The following ZNF567 variants were observed in gnomAD, a reference collection of about 807,000 sequenced individuals.
ZNF567 encodes the protein zinc finger protein 567.
In ZNF567, 36 loss-of-function variants were observed where a neutral mutation model predicts 53.9. The ratio of observed to expected loss-of-function variants is 0.67; its 90% CI spans 0.51 to 0.88. The LOEUF is 0.88. Ranked by LOEUF, ZNF567 falls within the 40% of genes least tolerant of loss-of-function variation. ZNF567 has a pLI of 0.00. For synonymous variants in ZNF567, 224 were observed against 260.4 expected (o/e 0.86, Z 1.35); for missense variants, 619 against 764.7 (o/e 0.81, Z 2.25).
intron 4 of ZNF567, 106 bp downstream of exon 4, chr19:36,712,618 C>T (rs1479179281): frequency 1.1e-5 from 16 of 1,505,384 alleles, no homozygotes; most frequent in East Asian, 9.1e-5. Context: ...AATTCCTTTT[C>T]GTTAGCAGAA....
chr19:36,670,842 C>T, the ZNF567 span, among the ~76,000 whole-genome samples: 2 of 152,176 alleles, frequency 1.3e-5, no homozygotes, highest in African/African-American at 4.8e-5. Flanking sequence ...TGGCTCACAC[C>T]TGTAATCCCA....
intron 3 of ZNF567, among the ~76,000 whole-genome samples, chr19:36,696,048 T>G (rs2145619874): frequency 6.6e-6 from 1 of 152,364 alleles, no homozygotes; most frequent in East Asian, 1.9e-4. Context: ...TCTAAAAATC[T>G]GTGGCCTTCC....
chr19:36,674,034 T>C, the ZNF567 span, among the ~76,000 whole-genome samples: 1 of 152,240 alleles, frequency 6.6e-6, no homozygotes, highest in East Asian at 1.9e-4. Flanking sequence ...TAATTTGGAA[T>C]GAAAATCATT....
chr19:36,718,268 G>A (rs1165711650), intron 5 of ZNF567, among the ~76,000 whole-genome samples: 1 of 152,130 alleles, frequency 6.6e-6, no homozygotes, highest in Non-Finnish European at 1.5e-5. Context: ...GGGAGGCCAA[G>A]GTGGGCAGAT....
At chr19:36,668,330 T>G in the ZNF567 span, 3 of 152,378 alleles carry the variant, frequency 2.0e-5, no homozygotes, top group Non-Finnish European at 4.4e-5. Flanking sequence ...ACTCCCGCAG[T>G]GGCCCCTGTG....
At chr19:36,707,783 T>G (rs1051636828) in intron 3 of ZNF567, among the ~76,000 whole-genome samples, 1 of 152,214 alleles carries the variant, frequency 6.6e-6, no homozygotes, top group Non-Finnish European at 1.5e-5. Flanking sequence ...TTCACCATTT[T>G]GTCCAGGCTG....
intron 5 of ZNF567, among the ~76,000 whole-genome samples, chr19:36,718,013 G>A (rs373852750): frequency 7.9e-5 from 12 of 152,230 alleles, no homozygotes; most frequent in South Asian, 4.1e-4. Flanking sequence ...AGTTGCTATC[G>A]GAAGTATTTT....
At position 36,720,404 on chromosome 19, in the gene ZNF567, C is replaced by T; in HGVS notation, c.1680C>T (p.Ser560=). The T allele has an allele frequency of 6.2e-7, 1 of 1,613,936 alleles. No homozygotes were observed. Among genetic ancestry groups the T allele is most frequent in the Non-Finnish European group, 8.5e-7 (1 of 1,179,994 alleles). ...VHQKIHTGQK[S]YECPQCGKAF... is the part of the protein sequence containing the mutation. The stretch of plus-strand genomic sequence containing the variant: ...AGAAAATACATACCGGCCAGAAATC[C>T]TATGAATGTCCTCAGTGTGGGAAAG... Residue 560 remains serine (S), a synonymous_variant, in exon 6 of 6, where the codon TCC becomes TCT. Transcript: ENST00000682579.
intron 3 of ZNF567, among the ~76,000 whole-genome samples, chr19:36,706,533 A>G (rs28645577): frequency 0.046 from 7,009 of 152,114 alleles, 465 homozygotes; most frequent in African/African-American, 0.14. Context: ...GGTTCAACCA[A>G]TCTGCCTGCC....
rs563025600 is a variant in ZNF567, at chr19:36,707,121, C to G, written c.10-5265C>G. ...ATCAATATAGTTGAATTTAAATATG[C>G]CATCTTCCTATTTTTTCCAATTATG... On this transcript the variant is annotated intron_variant, in intron 3 of 5. Coordinates refer to ENST00000682579, the MANE Select transcript of ZNF567 (RefSeq NM_001322917.1). 2.6e-5 allele frequency among the ~76,000 whole-genome samples: 4 copies of G among 151,896 alleles called. No homozygotes were observed. The East Asian group carries it at 7.7e-4, about 29-fold the overall frequency.
rs759836421 is a variant in ZNF567 at position 36,720,336 on chromosome 19, T to C, written c.1612T>C (p.Cys538Arg). The C allele has an allele frequency of 6.2e-7, 1 of 1,614,192 alleles. No individual in the cohort carries two copies. Among genetic ancestry groups the C allele is most frequent in the Non-Finnish European group, 8.5e-7 (1 of 1,180,026 alleles). Residue 538 changes from cysteine to arginine, a missense_variant, in exon 6 of 6, where the codon TGT becomes CGT. By Grantham distance (180) the Cys-to-Arg change is radical. Transcript: ENST00000682579. ...TGEKPYVCNE[C>R]GKSFRQKATL... ...GGAGAAACCCTATGTTTGTAATGAA[T>C]GTGGGAAGTCCTTTCGCCAGAAAGC...
the ZNF567 span, among the ~76,000 whole-genome samples, chr19:36,681,667 C>T: frequency 1.3e-5 from 2 of 151,554 alleles, no homozygotes; most frequent in Non-Finnish European, 2.9e-5. Context: ...TGGGCTCAAG[C>T]GATTGGCCCA....
At chr19:36,707,900 T>C (rs1395980358) in intron 3 of ZNF567, among the ~76,000 whole-genome samples, 1 of 152,084 alleles carries the variant, frequency 6.6e-6, no homozygotes, top group African/African-American at 2.4e-5. Context: ...TGTTTTAACA[T>C]CCTTGTTTTT....
chr19:36,701,777 G>A (rs936375067), intron 3 of ZNF567, among the ~76,000 whole-genome samples: 1 of 146,826 alleles, frequency 6.8e-6, no homozygotes, highest in African/African-American at 2.5e-5. Flanking sequence ...CCATTTGCTT[G>A]GTAGATCTTC....
At chr19:36,695,279 A>C (rs960135309) in intron 3 of ZNF567, among the ~76,000 whole-genome samples, 1 of 151,900 alleles carries the variant, frequency 6.6e-6, no homozygotes, top group Non-Finnish European at 1.5e-5. Context: ...CTGTAATCCC[A>C]GCACTTTGGG....
At chr19:36,687,129 A>T (rs1711952653), upstream of ZNF567, 1 of 152,544 alleles carries the variant, frequency 6.6e-6, no homozygotes, top group African/African-American at 2.4e-5. Flanking sequence ...CACAGACCTA[A>T]AAGGCTCTTC....
At chr19:36,712,593 G>A (rs2039845971) in intron 4 of ZNF567, 81 bp downstream of exon 4, 1 of 1,575,734 alleles carries the variant, frequency 6.3e-7, no homozygotes, top group African/African-American at 1.4e-5. Flanking sequence ...TGAATTTCAG[G>A]AATAAGAGGT....
chr19:36,684,561 A>G (rs1423748159), upstream of ZNF567, among the ~76,000 whole-genome samples: 1 of 152,202 alleles, frequency 6.6e-6, no homozygotes, highest in Non-Finnish European at 1.5e-5. Context: ...CTAAGATTTT[A>G]TACACAACGA....
chr19:36,703,311 C>T lies in ZNF567; in HGVS notation c.9+8435C>T, dbSNP rs560622248. Among the ~76,000 whole-genome samples the T allele has an allele frequency of 1.6e-4, 25 of 152,046 alleles. No individual in the cohort carries two copies. The South Asian group carries it at 5.2e-3, about 32-fold the overall frequency. On this transcript the variant is annotated intron_variant, in intron 3 of 5. Coordinates refer to ENST00000682579, the MANE Select transcript of ZNF567 (RefSeq NM_001322917.1). ...GTTTTGTCTCAGAGGAGTACCCGGCCGTGTGAGGTGTCAGTCTGCCCCTAC... is the reference window on the plus strand; with the variant it reads ...GTTTTGTCTCAGAGGAGTACCCGGCTGTGTGAGGTGTCAGTCTGCCCCTAC...
Sources: allele counts gnomAD v4.1 joint callset (sites outside exome capture counted in the v4.1 genomes callset), GRCh38; gene constraint gnomAD v4.1.1; transcripts MANE v1.5; gene names NCBI Gene and HGNC (gene_info 2026-07-23, HGNC 2026-07-21).